The following NKD1 variants were observed in gnomAD, a reference collection of about 807,000 sequenced individuals.
NKD1 encodes protein naked cuticle homolog 1.
NKD1 carries 21 observed loss-of-function variants against 56.0 expected under a neutral mutation model. The ratio of observed to expected loss-of-function variants is 0.38; its 90% CI spans 0.27 to 0.54. NKD1 has a LOEUF of 0.54. Among genes scored for constraint, NKD1 ranks in the 20% least tolerant of loss-of-function variants. The pLI, the probability that NKD1 is intolerant of heterozygous loss-of-function variation, is 0.82. For synonymous variants in NKD1, 263 were observed against 265.7 expected (o/e 0.99, Z 0.10); for missense variants, 578 against 642.7 (o/e 0.90, Z 1.09).
At chr16:50,578,472 C>T (rs994020032) in intron 3 of NKD1, among the ~76,000 whole-genome samples, 4 of 152,158 alleles carry the variant, frequency 2.6e-5, no homozygotes, top group African/African-American at 9.7e-5. Flanking sequence ...CCTGAGCCTC[C>T]TTTTCTGCTG....
At chr16:50,566,010 C>A in intron 3 of NKD1, 1 of 232,210 alleles carries the variant, frequency 4.3e-6, no homozygotes, top group Non-Finnish European at 7.1e-6. Context: ...CCGACACACA[C>A]TGCACATCCT....
chr16:50,578,107 C>G (rs1961028925), intron 3 of NKD1, among the ~76,000 whole-genome samples: 1 of 152,180 alleles, frequency 6.6e-6, no homozygotes, highest in Non-Finnish European at 1.5e-5. Context: ...AAATGAGTGA[C>G]TTAGTGGTCC....
At chr16:50,604,236 T>G (rs1961657487) in intron 3 of NKD1, among the ~76,000 whole-genome samples, 1 of 152,214 alleles carries the variant, frequency 6.6e-6, no homozygotes, top group Admixed American at 6.5e-5. Flanking sequence ...GCAAGTCACT[T>G]AACCTCTCTG....
intron 3 of NKD1, among the ~76,000 whole-genome samples, chr16:50,575,650 G>A (rs1174919927): frequency 6.6e-6 from 1 of 152,186 alleles, no homozygotes; most frequent in Non-Finnish European, 1.5e-5. Flanking sequence ...TCTGGCCAGT[G>A]ACCTTTACAC....
In NKD1 at chr16:50,646,663, A is replaced by C. The variant is rs1962687311; in HGVS notation, c.*12882A>C. The C allele has an allele frequency of 1.3e-5, 2 of 152,222 alleles. No individual in the cohort carries two copies. The highest frequency in any genetic ancestry group is 1.3e-4 in the Admixed American group (2 of 15,268). 9.4% of individuals were successfully genotyped at this position (152,222 alleles called of 1,614,324 possible). ...GAAAACAAGAACACTGTCACTCGTA[A>C]TGGGCATGAAAGGACACTTCAGAGC... is the stretch of plus-strand genomic sequence containing the variant. On this transcript the variant is annotated 3_prime_UTR_variant, in exon 10 of 10. Transcript: ENST00000268459.
chr16:50,620,264 C>T (rs1032578491), intron 4 of NKD1, among the ~76,000 whole-genome samples: 3 of 152,278 alleles, frequency 2.0e-5, no homozygotes, highest in Non-Finnish European at 4.4e-5. Context: ...CCACTGGGGG[C>T]ATCTCCACTG....
intron 3 of NKD1, among the ~76,000 whole-genome samples, chr16:50,570,200 G>A (rs74017720): frequency 1.6e-3 from 239 of 152,112 alleles, no homozygotes; most frequent in Middle Eastern, 6.8e-3. Flanking sequence ...GTTTTTTAAT[G>A]TGGCTACTAG....
At chr16:50,548,976 C>G (rs1421427694) in intron 2 of NKD1, 1 of 961,112 alleles carries the variant, frequency 1.0e-6, no homozygotes, top group Non-Finnish European at 1.2e-6. Context: ...CAACCCCTCC[C>G]CCTCCCGCGT....
Position 50,646,907 on chromosome 16 carries a change from C to A in NKD1, c.*13126C>A, listed in dbSNP as rs1431037235. The A allele has an allele frequency of 6.6e-6, 1 of 152,266 alleles. No individual in the cohort carries two copies. The highest frequency in any genetic ancestry group is 1.5e-5 in the Non-Finnish European group (1 of 68,056). 9.4% of individuals were successfully genotyped at this position (152,266 alleles called of 1,614,324 possible). A position where few individuals can be genotyped will look rare whatever the true frequency, so the allele number is the denominator to read the frequency against. On this transcript the variant is annotated 3_prime_UTR_variant, in exon 10 of 10. Coordinates refer to ENST00000268459, the MANE Select transcript of NKD1 (RefSeq NM_033119.5). ...TCCCCAGGGTCATGCCTCTGCCACC[C>A]AGACCCCACCACATTCAGCCCTCTG...
At chr16:50,575,890 G>A (rs1464688350) in intron 3 of NKD1, among the ~76,000 whole-genome samples, 3 of 152,162 alleles carry the variant, frequency 2.0e-5, no homozygotes, top group Non-Finnish European at 2.9e-5. Context: ...GGCTGGGTTG[G>A]GGGTGCTGCT....
chr16:50,586,749 ACAGAAGGCC>A (rs1355179090), intron 3 of NKD1, among the ~76,000 whole-genome samples: 5 of 152,164 alleles, frequency 3.3e-5, no homozygotes, highest in Non-Finnish European at 7.4e-5. Flanking sequence ...TGCATCCTGT[ACAGAAGGCC>A]TCCCAGCATC....
Position 50,633,444 on chromosome 16 carries a change from GC to G in NKD1, c.1078del (p.His360ThrfsTer35). 2 of 1,610,162 alleles carry G rather than the reference GC, an allele frequency of 1.2e-6. No homozygotes were observed. The highest frequency in any genetic ancestry group is 1.7e-6 in the Non-Finnish European group (2 of 1,177,712). On this transcript the variant is annotated frameshift_variant, in exon 10 of 10. Transcript: ENST00000268459. LOFTEE classifies it high-confidence loss of function. This position sits in a 1 kb window ranked among gnomAD's most constrained non-coding sequence, Gnocchi z 4.9. ...PKAQGKSVGV[G>X]HVARGARNKP... ...GCCCAGGGCAAGAGTGTGGGTGTGG[GC>G]CACGTGGCCAGAGGGGCAAGAAACA...
intron 3 of NKD1, chr16:50,553,696 T>G (rs1415591046): frequency 6.6e-6 from 1 of 152,236 alleles, no homozygotes; most frequent in Non-Finnish European, 1.5e-5. Flanking sequence ...GAGGTGGGCT[T>G]GACATTTGAG....
chr16:50,590,583 T>G (rs1596724998), intron 3 of NKD1, among the ~76,000 whole-genome samples: 1 of 152,200 alleles, frequency 6.6e-6, no homozygotes, highest in Non-Finnish European at 1.5e-5. Flanking sequence ...GCTAATTTAA[T>G]GCTCCCAGCA....
chr16:50,575,718 G>A (rs1318369617), intron 3 of NKD1, among the ~76,000 whole-genome samples: 1 of 152,252 alleles, frequency 6.6e-6, no homozygotes, highest in African/African-American at 2.4e-5. Flanking sequence ...CTTTAAAAAT[G>A]GAGACATATC....
In NKD1 at chr16:50,619,328, A is replaced by T. The variant is rs199993370; in HGVS notation, c.260-2274A>T. Among the ~76,000 whole-genome samples, 21 of 152,150 alleles carry T rather than the reference A, an allele frequency of 1.4e-4. No homozygotes were observed. The East Asian group carries it at 4.1e-3, about 30-fold the overall frequency. ...GGATCTGGGCTGTCAGCTGGCACAC[A>T]TCCTTGGCAAAGCCAGCATTTGTTG... On this transcript the variant is annotated intron_variant, in intron 4 of 9. Coordinates refer to ENST00000268459, the MANE Select transcript of NKD1 (RefSeq NM_033119.5).
intron 4 of NKD1, among the ~76,000 whole-genome samples, chr16:50,616,536 T>A (rs1227319856): frequency 1.3e-5 from 2 of 152,314 alleles, no homozygotes; most frequent in East Asian, 3.9e-4. Context: ...TGCCTACCTG[T>A]AGAATGTGCT....
intron 3 of NKD1, 160 bp from the exon 4 acceptor site, chr16:50,608,134 C>T: frequency 1.5e-6 from 1 of 666,612 alleles, no homozygotes; most frequent in Non-Finnish European, 2.8e-6. Flanking sequence ...AGGAGGGACC[C>T]ACCTTGGCAC....
intron 4 of NKD1, among the ~76,000 whole-genome samples, chr16:50,618,209 A>G (rs1962005571): frequency 6.6e-6 from 1 of 152,098 alleles, no homozygotes; most frequent in Non-Finnish European, 1.5e-5. Context: ...ATAGTTCCTC[A>G]GACTTTCAAT....
Sources: allele counts gnomAD v4.1 joint callset (sites outside exome capture counted in the v4.1 genomes callset), GRCh38; gene constraint gnomAD v4.1.1; non-coding constraint Gnocchi (gnomAD v3.1); transcripts MANE v1.5; gene names NCBI Gene and HGNC (gene_info 2026-07-23, HGNC 2026-07-21).